TBCK: variants seen among roughly 807,000 people sequenced by gnomAD.
TBCK encodes the protein TBC domain-containing protein kinase-like protein.
Under a neutral mutation model 113.4 loss-of-function variants are expected in TBCK, and 99 were observed. The observed-to-expected ratio is 0.87, with a 90% CI of 0.74 to 1.03. The LOEUF is 1.03. TBCK is among the 50% of genes least tolerant of loss of function. The probability of loss-of-function intolerance (pLI) is 0.00; values close to 1 mark genes in which losing one functional copy is unlikely to be tolerated. For missense variants in TBCK, 1,045 were observed against 1,061.3 expected, an observed-to-expected ratio of 0.98 and a Z score of 0.21; for synonymous variants, 369 against 370.8, an observed-to-expected ratio of 1.00 and a Z score of 0.05.
intron 25 of TBCK, among the ~76,000 whole-genome samples, chr4:106,089,297 T>C (rs1482136242): frequency 1.3e-5 from 2 of 152,176 alleles, no homozygotes; most frequent in African/African-American, 4.8e-5. Flanking sequence ...TTATTACCAC[T>C]GGGAGGGCAC....
chr4:106,308,715 C>T, intron 2 of TBCK, 53 bp downstream of exon 2: 1 of 1,500,386 alleles, frequency 6.7e-7, no homozygotes, highest in Non-Finnish European at 9.1e-7. Flanking sequence ...GTATTTATAA[C>T]TTAGGGTAAC....
chr4:106,092,534 G>A (rs191146358), intron 25 of TBCK, among the ~76,000 whole-genome samples: 1 of 152,224 alleles, frequency 6.6e-6, no homozygotes, highest in African/African-American at 2.4e-5. Flanking sequence ...TGCAGGTCCC[G>A]AGCCCTGCCC....
chr4:106,236,319 G>T (rs1759449572), intron 14 of TBCK, 71 bp downstream of exon 14: 1 of 1,157,042 alleles, frequency 8.6e-7, no homozygotes, highest in Non-Finnish European at 1.1e-6. Flanking sequence ...GATTCCCTAA[G>T]AATTATTGAA....
In TBCK at chr4:106,159,455, T is replaced by C. The variant is rs190385757; in HGVS notation, c.2235+11640A>G. Among the ~76,000 whole-genome samples the C allele has an allele frequency of 1.4e-3, 205 of 151,796 alleles. 1 individual carries two copies. The highest frequency in any genetic ancestry group is 4.2e-3 in the Admixed American group (64 of 15,260). On this transcript the variant is annotated intron_variant, in intron 23 of 25. Coordinates refer to ENST00000394708, the MANE Select transcript of TBCK (RefSeq NM_001163435.3). ...CAAAGTAGCAGGATACAGAAAAAAA[T>C]AGACAAAAATCAGTTGTATTTCTAT...
intron 20 of TBCK, among the ~76,000 whole-genome samples, chr4:106,207,713 A>G (rs1332021693): frequency 6.6e-6 from 1 of 152,224 alleles, no homozygotes; most frequent in Non-Finnish European, 1.5e-5. Flanking sequence ...TTTTTATATT[A>G]TCCACAGGCT....
intron 25 of TBCK, among the ~76,000 whole-genome samples, 190 bp downstream of exon 25, chr4:106,095,292 G>A (rs1740771729): frequency 6.6e-6 from 1 of 152,174 alleles, no homozygotes; most frequent in African/African-American, 2.4e-5. Flanking sequence ...TGATTCTGAT[G>A]CTGAACACTG....
intron 1 of TBCK, 29 bp from the exon 2 acceptor site, chr4:106,309,018 C>A: frequency 6.8e-7 from 1 of 1,474,634 alleles, no homozygotes; most frequent in Non-Finnish European, 9.2e-7. Flanking sequence ...TTAGGACAGA[C>A]CAAACATTAA....
intron 23 of TBCK, among the ~76,000 whole-genome samples, chr4:106,123,322 G>A (rs1744702900): frequency 1.3e-5 from 2 of 152,206 alleles, no homozygotes; most frequent in African/African-American, 4.8e-5. Context: ...CAAGGCATGT[G>A]AAGGACCTCT....
intron 20 of TBCK, among the ~76,000 whole-genome samples, chr4:106,205,005 T>G (rs969097796): frequency 2.7e-4 from 41 of 151,834 alleles, no homozygotes; most frequent in Non-Finnish European, 5.0e-4. Context: ...GACCTCATGA[T>G]CCACCCGCCT....
intron 23 of TBCK, among the ~76,000 whole-genome samples, chr4:106,133,367 C>A (rs149086133): frequency 6.6e-6 from 1 of 152,144 alleles, no homozygotes. Flanking sequence ...GACTGTGAGG[C>A]CTTCCCAGCA....
intron 22 of TBCK, among the ~76,000 whole-genome samples, chr4:106,174,231 TTTGGGTAAGACATTA>T (rs1220206723): frequency 6.6e-6 from 1 of 152,116 alleles, no homozygotes; most frequent in Non-Finnish European, 1.5e-5. Context: ...TTCCTAACTT[TTTGGGTAAGACATTA>T]TTTACCACTC....
chr4:106,214,764 G>A (rs938125281), intron 19 of TBCK, among the ~76,000 whole-genome samples: 1 of 151,356 alleles, frequency 6.6e-6, no homozygotes, highest in East Asian at 1.9e-4. Context: ...GTGATGGGGA[G>A]AATGGAACCA....
intron 19 of TBCK, among the ~76,000 whole-genome samples, chr4:106,222,749 A>G (rs913775360): frequency 2.6e-5 from 4 of 152,164 alleles, no homozygotes; most frequent in African/African-American, 4.8e-5. Context: ...ACTCAAAAGC[A>G]GGGTTATTTT....
At chr4:106,231,134 A>C (rs1356724227) in intron 18 of TBCK, among the ~76,000 whole-genome samples, 1 of 151,578 alleles carries the variant, frequency 6.6e-6, no homozygotes, top group Non-Finnish European at 1.5e-5. Flanking sequence ...ACAGTAACAC[A>C]CTCTATATGT....
intron 22 of TBCK, among the ~76,000 whole-genome samples, chr4:106,184,097 C>T (rs1322964255): frequency 6.6e-6 from 1 of 152,022 alleles, no homozygotes; most frequent in East Asian, 1.9e-4. Context: ...AAACTTTAGA[C>T]TCTGACAAGT....
intron 25 of TBCK, among the ~76,000 whole-genome samples, chr4:106,085,545 T>G (rs1009970094): frequency 9.2e-5 from 14 of 152,090 alleles, no homozygotes; most frequent in African/African-American, 3.4e-4. Flanking sequence ...CTGTCAGTAT[T>G]AGATCAATGA....
intron 22 of TBCK, among the ~76,000 whole-genome samples, chr4:106,191,646 A>G (rs1432604614): frequency 6.6e-6 from 1 of 152,170 alleles, no homozygotes; most frequent in Non-Finnish European, 1.5e-5. Context: ...GCTGGGACTG[A>G]ATTTAAGAGT....
intron 23 of TBCK, among the ~76,000 whole-genome samples, chr4:106,170,489 G>A (rs1348636750): frequency 2.0e-5 from 3 of 151,982 alleles, no homozygotes. Flanking sequence ...ACAAATGAAT[G>A]TACCCATATA....
chr4:106,105,481 C>T (rs888666051), intron 24 of TBCK, among the ~76,000 whole-genome samples: 7 of 152,186 alleles, frequency 4.6e-5, no homozygotes, highest in Non-Finnish European at 1.0e-4. Context: ...CTATAGCAGG[C>T]ACTCAAGGGG....
Sources: gnomAD v4.1 joint callset for allele counts (sites outside exome capture counted in the v4.1 genomes callset) on GRCh38, gnomAD v4.1.1 for gene constraint, MANE v1.5 for transcripts, NCBI Gene and HGNC (gene_info 2026-07-23, HGNC 2026-07-21) for gene names.